Variants in LRRTM4 observed in about 807,000 individuals in gnomAD.
The protein encoded by LRRTM4 is leucine rich repeat transmembrane neuronal 4.
In LRRTM4, 25 loss-of-function variants were observed where a neutral mutation model predicts 47.6. The ratio of observed to expected loss-of-function variants is 0.53; its 90% CI spans 0.38 to 0.73. The LOEUF (loss-of-function observed/expected upper bound fraction) is 0.73, where lower values mean the gene tolerates loss of function less well. Among genes scored for constraint, LRRTM4 ranks in the 30% least tolerant of loss-of-function variants. The probability of loss-of-function intolerance (pLI) is 0.00; values close to 1 mark genes in which losing one functional copy is unlikely to be tolerated. For missense variants in LRRTM4, 638 were observed against 713.4 expected (o/e 0.89, Z 1.20); for synonymous variants, 311 against 269.5 (o/e 1.15, Z -1.51).
At chr2:76,829,531 A>C (rs1196690385) in intron 3 of LRRTM4, among the ~76,000 whole-genome samples, 1 of 116,068 alleles carries the variant, frequency 8.6e-6, no homozygotes, top group East Asian at 4.8e-4. Flanking sequence ...ACTGTCATGT[A>C]ATTGCCTTGG....
chr2:77,073,553 T>C (rs1680233758), intron 3 of LRRTM4, among the ~76,000 whole-genome samples: 1 of 152,164 alleles, frequency 6.6e-6, no homozygotes. Flanking sequence ...TTTTTTATTA[T>C]GAACCTAAGG....
At chr2:76,968,688 T>C (rs962849031) in intron 3 of LRRTM4, among the ~76,000 whole-genome samples, 3 of 151,616 alleles carry the variant, frequency 2.0e-5, no homozygotes, top group Non-Finnish European at 2.9e-5. Flanking sequence ...AGATAATTGA[T>C]GAGCACATGA....
intron 3 of LRRTM4, among the ~76,000 whole-genome samples, chr2:76,806,197 C>T (rs1418063872): frequency 6.6e-6 from 1 of 152,068 alleles, no homozygotes; most frequent in African/African-American, 2.4e-5. Flanking sequence ...AAACAAATAA[C>T]TAGGCACTCA....
chr2:76,897,553 G>T (rs529741219), intron 3 of LRRTM4, among the ~76,000 whole-genome samples: 22 of 152,164 alleles, frequency 1.4e-4, no homozygotes, highest in Admixed American at 1.2e-3. Context: ...ATGTGATGAA[G>T]GAAAAGAGAA....
At chr2:76,980,718 C>A (rs1398664569) in intron 3 of LRRTM4, among the ~76,000 whole-genome samples, 1 of 151,902 alleles carries the variant, frequency 6.6e-6, no homozygotes, top group Non-Finnish European at 1.5e-5. Flanking sequence ...GTGAGCCCAG[C>A]CAGCATTTGG....
intron 3 of LRRTM4, among the ~76,000 whole-genome samples, chr2:77,002,323 G>A (rs926606171): frequency 2.0e-5 from 3 of 152,080 alleles, no homozygotes; most frequent in African/African-American, 7.2e-5. Context: ...AAGAGAAGCT[G>A]GAAAAATCAT....
rs564041823 is a variant in LRRTM4 at position 76,965,849 on chromosome 2, A to G, written c.1552-216933T>C. Among the ~76,000 whole-genome samples, 16 of 151,634 alleles carry G rather than the reference A, an allele frequency of 1.1e-4. 1 individual carries two copies. In the South Asian group the frequency reaches 3.1e-3, roughly 29 times the overall value. ...GACAATTAAAAACTATGCAAATGAA[A>G]GTACTAATTATCATCCCTATAGGTA... On this transcript the variant is annotated intron_variant, in intron 3 of 3. Coordinates refer to ENST00000409884, the MANE Select transcript of LRRTM4 (RefSeq NM_001134745.3).
At chr2:77,491,785 C>G (rs572333097) in intron 3 of LRRTM4, among the ~76,000 whole-genome samples, 4 of 151,720 alleles carry the variant, frequency 2.6e-5, no homozygotes, top group Non-Finnish European at 5.9e-5. Flanking sequence ...ATTTATCTTT[C>G]TTCATTTTTC....
chr2:77,449,002 C>A (rs910569478), intron 3 of LRRTM4, among the ~76,000 whole-genome samples: 1 of 151,932 alleles, frequency 6.6e-6, no homozygotes, highest in African/African-American at 2.4e-5. Flanking sequence ...TTTTATAGTT[C>A]CTTTTGTGTC....
intron 3 of LRRTM4, among the ~76,000 whole-genome samples, chr2:76,786,173 T>C (rs1674659435): frequency 1.3e-5 from 2 of 152,124 alleles, no homozygotes; most frequent in Admixed American, 6.6e-5. Context: ...TTTCCATTCA[T>C]AGAGCAATTT....
chr2:77,005,671 TC>T (rs1334681853), intron 3 of LRRTM4, among the ~76,000 whole-genome samples: 3 of 152,120 alleles, frequency 2.0e-5, no homozygotes, highest in Non-Finnish European at 4.4e-5. Context: ...TAAAGGGAGT[TC>T]CCCTGCACAT....
chr2:76,778,671 C>G (rs985895504), intron 3 of LRRTM4, among the ~76,000 whole-genome samples: 4 of 151,748 alleles, frequency 2.6e-5, no homozygotes, highest in African/African-American at 9.7e-5. Flanking sequence ...ATTAGTCTTG[C>G]TAGCGGTCTA....
chr2:76,912,311 C>T (rs1674096546), intron 3 of LRRTM4, among the ~76,000 whole-genome samples: 1 of 152,158 alleles, frequency 6.6e-6, no homozygotes, highest in Admixed American at 6.5e-5. Context: ...AGACTCATTT[C>T]ATGTTAATAA....
intron 3 of LRRTM4, among the ~76,000 whole-genome samples, chr2:77,260,428 G>T (rs1246156855): frequency 6.8e-6 from 1 of 147,598 alleles, no homozygotes; most frequent in East Asian, 2.0e-4. Flanking sequence ...TAGTTGATTG[G>T]CTGCTATCAA....
chr2:77,360,526 C>CGATAT (rs1241198080), intron 3 of LRRTM4, among the ~76,000 whole-genome samples: 1 of 133,552 alleles, frequency 7.5e-6, no homozygotes, highest in Non-Finnish European at 1.6e-5. Context: ...CGATACGATA[C>CGATAT]GATACGATAC....
chr2:76,883,435 G>A (rs922852513), intron 3 of LRRTM4, among the ~76,000 whole-genome samples: 5 of 152,046 alleles, frequency 3.3e-5, no homozygotes, highest in Non-Finnish European at 5.9e-5. Flanking sequence ...TCCCAGCCCC[G>A]AGCCCTCCCT....
chr2:77,178,978 A>C (rs1299922611), intron 3 of LRRTM4, among the ~76,000 whole-genome samples: 1 of 152,234 alleles, frequency 6.6e-6, no homozygotes, highest in African/African-American at 2.4e-5. Flanking sequence ...ATATACATAC[A>C]CATATGTAGA....
chr2:77,514,893 G>A (rs1162911373), intron 3 of LRRTM4, among the ~76,000 whole-genome samples: 1 of 151,870 alleles, frequency 6.6e-6, no homozygotes, highest in African/African-American at 2.4e-5. Context: ...TATACAGAAT[G>A]AAGCAACTTT....
chr2:76,949,715 A>G (rs1396317011), intron 3 of LRRTM4, among the ~76,000 whole-genome samples: 3 of 151,986 alleles, frequency 2.0e-5, no homozygotes, highest in East Asian at 1.9e-4. Context: ...CTCTGTAATT[A>G]TAATTTACTC....
Sources: allele counts gnomAD v4.1 joint callset (sites outside exome capture counted in the v4.1 genomes callset), GRCh38; gene constraint gnomAD v4.1.1; transcripts MANE v1.5; gene names NCBI Gene and HGNC (gene_info 2026-07-23, HGNC 2026-07-21).